STARD13: variants seen among roughly 807,000 people sequenced by gnomAD.
The protein encoded by STARD13 is StAR related lipid transfer domain containing 13.
A neutral mutation model predicts 106.4 loss-of-function variants in STARD13; 62 were observed. That is an observed-to-expected ratio of 0.58 (90% CI 0.48 to 0.72). STARD13 has a LOEUF of 0.72. Ranked by LOEUF, STARD13 falls within the 30% of genes least tolerant of loss-of-function variation. The pLI is 0.00. For missense variants in STARD13, 1,387 were observed against 1,424.0 expected (o/e 0.97, Z 0.42); for synonymous variants, 565 against 553.0 (o/e 1.02, Z -0.31).
At chr13:33,618,306 T>C in the STARD13 span, among the ~76,000 whole-genome samples, 1 of 152,238 alleles carries the variant, frequency 6.6e-6, no homozygotes, top group South Asian at 2.1e-4. Flanking sequence ...ATGTCAGTCA[T>C]TGAATAAATC....
the STARD13 span, among the ~76,000 whole-genome samples, chr13:33,483,329 A>G: frequency 3.9e-5 from 6 of 152,208 alleles, no homozygotes; most frequent in Non-Finnish European, 7.4e-5. Context: ...AGGGCCAAAT[A>G]AATAAATGAG....
At chr13:33,304,746 CT>C (rs760559167) in intron 1 of STARD13, among the ~76,000 whole-genome samples, 6 of 152,166 alleles carry the variant, frequency 3.9e-5, no homozygotes, top group African/African-American at 9.7e-5. Flanking sequence ...AGTGAACCCC[CT>C]AAAACACTTT....
the STARD13 span, among the ~76,000 whole-genome samples, chr13:33,659,535 A>G: frequency 6.6e-6 from 1 of 152,174 alleles, no homozygotes; most frequent in Admixed American, 6.5e-5. Flanking sequence ...TTTGATTGGC[A>G]TTAGAAGTCG....
intron 7 of STARD13, among the ~76,000 whole-genome samples, chr13:33,119,720 C>T (rs1279202537): frequency 6.6e-6 from 1 of 152,128 alleles, no homozygotes; most frequent in Non-Finnish European, 1.5e-5. Context: ...CGCTCTAATC[C>T]CACACATCAG....
the STARD13 span, among the ~76,000 whole-genome samples, chr13:33,421,713 C>T: frequency 0.16 from 23,741 of 152,012 alleles, 4,436 homozygotes; most frequent in African/African-American, 0.44. Context: ...ACCAGCAAAC[C>T]GAATCCAGCA....
At chr13:33,415,263 G>A in the STARD13 span, among the ~76,000 whole-genome samples, 2 of 152,182 alleles carry the variant, frequency 1.3e-5, no homozygotes, top group Non-Finnish European at 2.9e-5. Flanking sequence ...GGCTACTCAG[G>A]TGGCTGAGGC....
the STARD13 span, among the ~76,000 whole-genome samples, chr13:33,651,773 C>A: frequency 6.6e-6 from 1 of 152,300 alleles, no homozygotes; most frequent in South Asian, 2.1e-4. Context: ...ATTATGCTAC[C>A]TTTCACCCCT....
At chr13:33,650,254 G>T in the STARD13 span, among the ~76,000 whole-genome samples, 56 of 120,130 alleles carry the variant, frequency 4.7e-4, no homozygotes, top group Non-Finnish European at 7.5e-4. Context: ...GCAGTGGCGC[G>T]ATCTCTGCTC....
the STARD13 span, among the ~76,000 whole-genome samples, chr13:33,536,550 T>G: frequency 6.6e-6 from 1 of 152,248 alleles, no homozygotes; most frequent in East Asian, 1.9e-4. Context: ...AAGATAAAAA[T>G]TAGATAAACA....
chr13:33,384,690 G>A, the STARD13 span, among the ~76,000 whole-genome samples: 3 of 152,184 alleles, frequency 2.0e-5, no homozygotes, highest in Admixed American at 6.5e-5. Context: ...GACACCCACC[G>A]TGTTCTACAG....
the STARD13 span, among the ~76,000 whole-genome samples, chr13:33,367,750 A>G: frequency 6.6e-6 from 1 of 151,884 alleles, no homozygotes; most frequent in Admixed American, 6.6e-5. Flanking sequence ...ATGTAAATCA[A>G]TTAGAGGCAA....
At chr13:33,479,092 A>C in the STARD13 span, among the ~76,000 whole-genome samples, 1 of 152,234 alleles carries the variant, frequency 6.6e-6, no homozygotes, top group Non-Finnish European at 1.5e-5. Flanking sequence ...TGATTCACAG[A>C]AAAGTAGATC....
At chr13:33,449,072 A>T in the STARD13 span, among the ~76,000 whole-genome samples, 1 of 151,034 alleles carries the variant, frequency 6.6e-6, no homozygotes, top group Admixed American at 6.6e-5. Context: ...TTGTCCTAAA[A>T]TGCTGTGCCA....
At chr13:33,226,661 C>G (rs1180101162) in intron 1 of STARD13, among the ~76,000 whole-genome samples, 3 of 152,108 alleles carry the variant, frequency 2.0e-5, no homozygotes, top group African/African-American at 4.8e-5. Context: ...TCTTGAACTC[C>G]TGATCTCAGG....
chr13:33,356,119 A>G, the STARD13 span, among the ~76,000 whole-genome samples: 1 of 152,178 alleles, frequency 6.6e-6, no homozygotes, highest in East Asian at 1.9e-4. Flanking sequence ...TGATTACCAT[A>G]TGGGAGACGT....
the STARD13 span, among the ~76,000 whole-genome samples, chr13:33,625,140 T>C: frequency 6.6e-6 from 1 of 151,986 alleles, no homozygotes; most frequent in Admixed American, 6.5e-5. Context: ...CAAGAGTGAG[T>C]GGAGGAGGGG....
At chr13:33,479,120 T>G in the STARD13 span, among the ~76,000 whole-genome samples, 3 of 152,190 alleles carry the variant, frequency 2.0e-5, no homozygotes, top group African/African-American at 7.2e-5. Context: ...AAATGGCATT[T>G]AAACATATGA....
At chr13:33,362,311 C>T in the STARD13 span, among the ~76,000 whole-genome samples, 1 of 152,126 alleles carries the variant, frequency 6.6e-6, no homozygotes, top group East Asian at 1.9e-4. Context: ...TGAGAACTCA[C>T]TCATCACCAA....
the STARD13 span, among the ~76,000 whole-genome samples, chr13:33,412,043 T>G: frequency 1.3e-5 from 2 of 152,202 alleles, no homozygotes; most frequent in African/African-American, 4.8e-5. Flanking sequence ...TGGGTAAATA[T>G]GATAAGACTT....
Sources: gnomAD v4.1 joint callset for allele counts (sites outside exome capture counted in the v4.1 genomes callset) on GRCh38, gnomAD v4.1.1 for gene constraint, MANE v1.5 for transcripts, NCBI Gene and HGNC (gene_info 2026-07-23, HGNC 2026-07-21) for gene names.